Variants in DNAH12 observed in about 807,000 individuals in gnomAD.
DNAH12 encodes dynein axonemal heavy chain 12.
DNAH12 carries 285 observed loss-of-function variants against 371.5 expected under a neutral mutation model. The ratio of observed to expected loss-of-function variants is 0.77; its 90% CI spans 0.70 to 0.85. The LOEUF is 0.85. Ranked by LOEUF, DNAH12 falls within the 40% of genes least tolerant of loss-of-function variation. The pLI, the probability that DNAH12 is intolerant of heterozygous loss-of-function variation, is 0.00. For synonymous variants in DNAH12, 1,200 were observed against 1,213.0 expected (o/e 0.99, Z 0.22); for missense variants, 3,611 against 3,689.4 (o/e 0.98, Z 0.55).
At chr3:57,499,646 AAATATATATATATAT>A (rs2067451370) in intron 11 of DNAH12, among the ~76,000 whole-genome samples, 1 of 32,048 alleles carries the variant, frequency 3.1e-5, no homozygotes, top group Non-Finnish European at 6.6e-5. Context: ...AAAAAAAAAA[AAATATATATATATAT>A]ATATATATAT....
intron 45 of DNAH12, among the ~76,000 whole-genome samples, chr3:57,390,295 C>T (rs2063587975): frequency 7.1e-6 from 1 of 139,910 alleles, no homozygotes; most frequent in African/African-American, 2.5e-5. Context: ...CACCTATAGT[C>T]CCAGCTACTC....
At chr3:57,403,201 A>G (rs922705122) in intron 43 of DNAH12, 108 bp downstream of exon 43, 3 of 1,113,424 alleles carry the variant, frequency 2.7e-6, no homozygotes, top group Admixed American at 2.9e-5. Context: ...TATTAGCATC[A>G]TCATCATCAC....
intron 69 of DNAH12, among the ~76,000 whole-genome samples, chr3:57,303,514 C>T (rs1212754782): frequency 1.3e-5 from 2 of 151,480 alleles, no homozygotes; most frequent in East Asian, 3.9e-4. Flanking sequence ...CAGGCTCAAG[C>T]GATTCTCCCA....
At chr3:57,351,824 A>G (rs1379764550) in intron 60 of DNAH12, among the ~76,000 whole-genome samples, 2 of 152,088 alleles carry the variant, frequency 1.3e-5, no homozygotes, top group African/African-American at 4.8e-5. Flanking sequence ...GAAATGTTCT[A>G]TTTCGTCACC....
At chr3:57,460,523 G>A (rs971452456) in intron 19 of DNAH12, among the ~76,000 whole-genome samples, 2 of 151,932 alleles carry the variant, frequency 1.3e-5, no homozygotes, top group African/African-American at 4.8e-5. Flanking sequence ...AAATCTCTAC[G>A]ACAGCTTTTA....
Position 57,457,888 on chromosome 3 carries a change from G to C in DNAH12, c.3169C>G (p.Leu1057Val). The C allele has an allele frequency of 6.4e-7, 1 of 1,551,586 alleles. No homozygotes were observed. The highest frequency in any genetic ancestry group is 1.2e-5 in the South Asian group (1 of 84,052). ...CFEGIAKLEF[L>V]PNLDIKAMYS... ...ATGGCTTTAATGTCCAAATTGGGAAGGAACTCTAATTTAGCAATGCCCTCA... is the reference window on the plus strand; with the variant it reads ...ATGGCTTTAATGTCCAAATTGGGAACGAACTCTAATTTAGCAATGCCCTCA... The change falls in exon 22 of 74, where the codon CTT becomes GTT. Residue 1057 changes from leucine to valine, a missense_variant. Physicochemically the swap from Leu to Val is conservative, Grantham distance 32 (BLOSUM62 1). Around this residue, in one of 3 missense-constraint regions of DNAH12, gnomAD observed 1,314 missense variants for 1,398.7 expected, o/e 0.94. Transcript: ENST00000495027.
chr3:57,421,052 C>G (rs2064564201), intron 36 of DNAH12, among the ~76,000 whole-genome samples: 1 of 150,216 alleles, frequency 6.7e-6, no homozygotes, highest in African/African-American at 2.4e-5. Flanking sequence ...TCTTAAAATT[C>G]TGTGTTAGCA....
intron 59 of DNAH12, among the ~76,000 whole-genome samples, chr3:57,354,159 T>C (rs2153323378): frequency 6.6e-6 from 1 of 152,244 alleles, no homozygotes; most frequent in African/African-American, 2.4e-5. Flanking sequence ...ACTAATGTGG[T>C]ACAGATACAC....
chr3:57,306,810 T>TA (rs1002076527), intron 69 of DNAH12, among the ~76,000 whole-genome samples: 35 of 152,322 alleles, frequency 2.3e-4, no homozygotes, highest in Middle Eastern at 3.4e-3. Context: ...GCTTACAGGT[T>TA]AGTTCAGGAT....
At chr3:57,551,343 C>T in the DNAH12 span, among the ~76,000 whole-genome samples, 209 of 152,052 alleles carry the variant, frequency 1.4e-3, 1 homozygote, top group African/African-American at 4.4e-3. Flanking sequence ...GCGATCTCGG[C>T]TCACTGCAAG....
chr3:57,518,532 AAAAAGAAAAG>A (rs3039031), intron 4 of DNAH12, among the ~76,000 whole-genome samples: 3 of 149,680 alleles, frequency 2.0e-5, no homozygotes, highest in East Asian at 2.0e-4. Context: ...CTGTCTCAAA[AAAAAGAAAAG>A]AAAAGAAAAG....
At chr3:57,351,231 C>T (rs1245855921) in intron 60 of DNAH12, among the ~76,000 whole-genome samples, 6 of 151,840 alleles carry the variant, frequency 4.0e-5, no homozygotes, top group Middle Eastern at 3.4e-3. Flanking sequence ...ATCCCACAAC[C>T]GCATTCCAGC....
At chr3:57,415,609 C>T in intron 37 of DNAH12, 45 bp from the exon 38 acceptor site, 2 of 1,494,580 alleles carry the variant, frequency 1.3e-6, no homozygotes, top group Non-Finnish European at 1.8e-6. Flanking sequence ...GAAAAAAAGT[C>T]AGAATACATT....
chr3:57,339,966 G>T (rs555670597), intron 60 of DNAH12, among the ~76,000 whole-genome samples: 8 of 152,030 alleles, frequency 5.3e-5, no homozygotes, highest in Non-Finnish European at 1.2e-4. Context: ...AACTACTTGG[G>T]AGGCTGATAT....
At chr3:57,338,754 G>A (rs1022470771) in intron 60 of DNAH12, among the ~76,000 whole-genome samples, 1 of 150,916 alleles carries the variant, frequency 6.6e-6, no homozygotes, top group African/African-American at 2.4e-5. Flanking sequence ...CATTGTCTGG[G>A]ATGTGAGGAG....
intron 60 of DNAH12, among the ~76,000 whole-genome samples, chr3:57,350,616 GAA>G (rs1252394103): frequency 6.6e-6 from 1 of 152,152 alleles, no homozygotes; most frequent in Admixed American, 6.5e-5. Flanking sequence ...ATTGGGCTGT[GAA>G]AAGAGTTTTC....
chr3:57,298,666 A>C (rs2061282332), intron 70 of DNAH12, among the ~76,000 whole-genome samples: 1 of 152,188 alleles, frequency 6.6e-6, no homozygotes, highest in African/African-American at 2.4e-5. Flanking sequence ...GCAGTATCTA[A>C]ACCATTCATT....
At chr3:57,373,025 A>C (rs1252772353) in intron 55 of DNAH12, among the ~76,000 whole-genome samples, 1 of 152,228 alleles carries the variant, frequency 6.6e-6, no homozygotes, top group East Asian at 1.9e-4. Context: ...AATGGCTATC[A>C]TTATAAAAAT....
intron 69 of DNAH12, among the ~76,000 whole-genome samples, chr3:57,307,660 C>T (rs1357801886): frequency 2.6e-5 from 4 of 152,212 alleles, no homozygotes; most frequent in Admixed American, 2.6e-4. Context: ...TGCTCCCTGG[C>T]TCCTTCAGCT....
Sources: gnomAD v4.1 joint callset for allele counts (sites outside exome capture counted in the v4.1 genomes callset) on GRCh38, gnomAD v4.1.1 for gene constraint, gnomAD v4.1.1 regional missense constraint, MANE v1.5 for transcripts, NCBI Gene and HGNC (gene_info 2026-07-23, HGNC 2026-07-21) for gene names.